The following NEBL variants were observed in gnomAD, a reference collection of about 807,000 sequenced individuals.
NEBL encodes the protein nebulette.
Under a neutral mutation model 140.2 loss-of-function variants are expected in NEBL, and 122 were observed. The observed-to-expected ratio is 0.87, with a 90% confidence interval of 0.75 to 1.01. The LOEUF (loss-of-function observed/expected upper bound fraction) is 1.01. Ranked by LOEUF, NEBL falls within the 50% of genes least tolerant of loss-of-function variation. NEBL has a pLI of 0.00. For synonymous variants in NEBL, 436 were observed against 398.9 expected (o/e 1.09, Z -1.11); for missense variants, 1,365 against 1,231.3 (o/e 1.11, Z -1.62).
At chr10:21,265,113 G>C (rs1842783806) in intron 1 of NEBL, among the ~76,000 whole-genome samples, 1 of 151,756 alleles carries the variant, frequency 6.6e-6, no homozygotes, top group South Asian at 2.1e-4. Flanking sequence ...AGTAGAGATG[G>C]GGTTTTACCA....
intron 3 of NEBL, among the ~76,000 whole-genome samples, chr10:21,247,047 C>T (rs1842525800): frequency 6.6e-6 from 1 of 151,986 alleles, no homozygotes; most frequent in Admixed American, 6.6e-5. Context: ...TAGCACCTCC[C>T]CCTTCACTCT....
rs1370416247 is a variant in NEBL at position 21,268,824 on chromosome 10, CAAAAAAATTT to C, written n.183-17006_183-16997del. On this transcript the variant is annotated intron_variant and non_coding_transcript_variant, in intron 1 of 8. Transcript: ENST00000675702. ...ACAGGCATGAGCCACTGCACCTGGCCAAAAAAATTTAAAAAAATTTAAGAGACTTTGGAAA... is the reference window on the plus strand; with the variant it reads ...ACAGGCATGAGCCACTGCACCTGGCCAAAAAAATTTAAGAGACTTTGGAAA... Among the ~76,000 whole-genome samples, 7 of 151,542 alleles carry C rather than the reference CAAAAAAATTT, an allele frequency of 4.6e-5. No homozygotes were observed. The South Asian group carries it at 8.4e-4, about 18-fold the overall frequency.
At chr10:20,853,439 A>C (rs1039148940) in intron 9 of NEBL, among the ~76,000 whole-genome samples, 2 of 152,220 alleles carry the variant, frequency 1.3e-5, no homozygotes, top group African/African-American at 4.8e-5. Context: ...TGAATAAAGA[A>C]AATGTGGCAC....
chr10:21,141,795 G>A (rs930336841), intron 2 of NEBL, among the ~76,000 whole-genome samples: 3 of 152,180 alleles, frequency 2.0e-5, no homozygotes, highest in Non-Finnish European at 4.4e-5. Context: ...ACCCAAAATT[G>A]ATAACATCCC....
intron 1 of NEBL, among the ~76,000 whole-genome samples, chr10:21,291,419 T>C (rs953510906): frequency 1.3e-5 from 2 of 150,314 alleles, no homozygotes; most frequent in Non-Finnish European, 3.0e-5. Context: ...GGCAGGAGAA[T>C]TGCTTGAACC....
At chr10:21,066,804 G>T (rs1005700346) in intron 2 of NEBL, among the ~76,000 whole-genome samples, 11 of 126,200 alleles carry the variant, frequency 8.7e-5, no homozygotes, top group Non-Finnish European at 2.0e-4. Context: ...CTCTTACATC[G>T]ATTTTCTTAC....
chr10:21,169,916 T>C (rs544014727), intron 2 of NEBL, among the ~76,000 whole-genome samples: 2 of 152,342 alleles, frequency 1.3e-5, no homozygotes, highest in South Asian at 2.1e-4. Flanking sequence ...TTAAGACCTA[T>C]GAAACAAAAC....
At chr10:20,793,454 G>T in intron 26 of NEBL, 1 of 570,180 alleles carries the variant, frequency 1.8e-6, no homozygotes, top group Non-Finnish European at 2.2e-6. Context: ...AACCCTGACT[G>T]CATATGACGT....
chr10:20,789,595 C>A (rs1835743712), intron 26 of NEBL, among the ~76,000 whole-genome samples: 1 of 152,150 alleles, frequency 6.6e-6, no homozygotes, highest in South Asian at 2.1e-4. Flanking sequence ...TGCCTGTAAT[C>A]CCAGCACTTT....
chr10:21,136,700 C>A (rs928695203), intron 2 of NEBL, among the ~76,000 whole-genome samples: 2 of 152,196 alleles, frequency 1.3e-5, no homozygotes, highest in African/African-American at 4.8e-5. Flanking sequence ...CCAAAGCCTA[C>A]CCTACTCTAA....
chr10:20,871,312 A>G (rs1199379272), intron 5 of NEBL, among the ~76,000 whole-genome samples: 1 of 152,210 alleles, frequency 6.6e-6, no homozygotes, highest in Non-Finnish European at 1.5e-5. Flanking sequence ...ATTTTGACAG[A>G]TGGTGCCCAA....
chr10:20,889,653 C>T (rs1434183614), intron 3 of NEBL, among the ~76,000 whole-genome samples, 192 bp downstream of exon 3: 2 of 152,100 alleles, frequency 1.3e-5, no homozygotes, highest in Non-Finnish European at 2.9e-5. Context: ...ATGTATGAAG[C>T]ATACATAGTA....
chr10:20,935,299 G>A (rs1834419332), intron 4 of NEBL, among the ~76,000 whole-genome samples: 1 of 152,176 alleles, frequency 6.6e-6, no homozygotes, highest in African/African-American at 2.4e-5. Flanking sequence ...AAAAATAACA[G>A]AAATTTTGAA....
chr10:20,928,487 T>A (rs1834019550), intron 4 of NEBL, among the ~76,000 whole-genome samples: 1 of 151,878 alleles, frequency 6.6e-6, no homozygotes, highest in African/African-American at 2.4e-5. Context: ...CAGAAACAAA[T>A]CTTAAGCGCT....
Position 20,873,312 on chromosome 10 carries a change from C to T in NEBL, c.481-3471G>A, listed in dbSNP as rs77059895. 4.4e-3 allele frequency among the ~76,000 whole-genome samples: 666 copies of T among 152,230 alleles called. 15 individuals carry two copies. In the East Asian group the frequency reaches 0.053, roughly 12 times the overall value. Reference sequence around the variant, plus strand: ...TCAGTCTTCTCATGACAATGTGGTGCTCTATAAATCTTGTTTTGCATAAGG... The same window carrying T: ...TCAGTCTTCTCATGACAATGTGGTGTTCTATAAATCTTGTTTTGCATAAGG... On this transcript the variant is annotated intron_variant, in intron 5 of 27. Coordinates refer to ENST00000377122, the MANE Select transcript of NEBL (RefSeq NM_006393.3).
chr10:21,038,144 G>C (rs926144247), intron 2 of NEBL, among the ~76,000 whole-genome samples: 3 of 152,146 alleles, frequency 2.0e-5, no homozygotes, highest in Non-Finnish European at 4.4e-5. Context: ...GAGGGGAAAA[G>C]CATGACATTT....
At chr10:21,237,519 T>C (rs1220640854) in intron 3 of NEBL, among the ~76,000 whole-genome samples, 1 of 152,060 alleles carries the variant, frequency 6.6e-6, no homozygotes, top group Non-Finnish European at 1.5e-5. Flanking sequence ...ATGACATCTT[T>C]CATGAAGCCT....
chr10:20,928,593 C>T (rs1017154953), intron 4 of NEBL, among the ~76,000 whole-genome samples: 8 of 152,182 alleles, frequency 5.3e-5, no homozygotes, highest in African/African-American at 1.7e-4. Flanking sequence ...GTCTCACTTT[C>T]CCCTGCCCAA....
chr10:20,882,932 TG>T (rs903530934), intron 4 of NEBL, among the ~76,000 whole-genome samples: 1 of 152,196 alleles, frequency 6.6e-6, no homozygotes, highest in African/African-American at 2.4e-5. Context: ...TGCGTCTATG[TG>T]GCCTTATGAA....
Sources: gnomAD v4.1 joint callset for allele counts (sites outside exome capture counted in the v4.1 genomes callset) on GRCh38, gnomAD v4.1.1 for gene constraint, MANE v1.5 for transcripts, NCBI Gene and HGNC (gene_info 2026-07-23, HGNC 2026-07-21) for gene names.